Variants in NKAIN2 observed in about 807,000 individuals in gnomAD.
The protein encoded by NKAIN2 is sodium/potassium transporting ATPase interacting 2.
A neutral mutation model predicts 32.6 loss-of-function variants in NKAIN2; 14 were observed. The observed-to-expected ratio is 0.43, with a 90% CI of 0.28 to 0.67. NKAIN2 has a LOEUF of 0.67. Among genes scored for constraint, NKAIN2 ranks in the 30% least tolerant of loss-of-function variants. The pLI is 0.17. For synonymous variants in NKAIN2, 80 were observed against 87.2 expected, an observed-to-expected ratio of 0.92 and a Z score of 0.46; for missense variants, 198 against 258.3, an observed-to-expected ratio of 0.77 and a Z score of 1.60.
intron 3 of NKAIN2, among the ~76,000 whole-genome samples, chr6:124,420,705 C>G (rs977743329): frequency 1.3e-5 from 2 of 151,962 alleles, no homozygotes; most frequent in Admixed American, 1.3e-4. Context: ...ATTTGCTTTG[C>G]GGGGTCACAT....
chr6:123,977,786 T>C (rs1582874919), intron 1 of NKAIN2, among the ~76,000 whole-genome samples: 1 of 152,176 alleles, frequency 6.6e-6, no homozygotes, highest in Admixed American at 6.5e-5. Context: ...ATCCTTTGCA[T>C]AGAATAAAAA....
intron 1 of NKAIN2, among the ~76,000 whole-genome samples, chr6:124,222,726 A>G (rs1791898476): frequency 6.6e-6 from 1 of 152,150 alleles, no homozygotes; most frequent in Non-Finnish European, 1.5e-5. Flanking sequence ...GAGGCCACAT[A>G]AGTAAGGAAT....
intron 1 of NKAIN2, among the ~76,000 whole-genome samples, chr6:123,878,849 A>G (rs1245395791): frequency 2.0e-5 from 3 of 151,582 alleles, no homozygotes; most frequent in African/African-American, 7.3e-5. Context: ...TCCCTGCACC[A>G]CTCATAGCCT....
intron 1 of NKAIN2, among the ~76,000 whole-genome samples, chr6:124,129,858 A>G (rs947008377): frequency 6.6e-6 from 1 of 152,156 alleles, no homozygotes; most frequent in African/African-American, 2.4e-5. Flanking sequence ...ACCTCAGGTA[A>G]TCTGCCTGCC....
intron 3 of NKAIN2, among the ~76,000 whole-genome samples, chr6:124,378,515 C>T (rs1276263378): frequency 1.3e-5 from 2 of 152,160 alleles, no homozygotes; most frequent in Non-Finnish European, 1.5e-5. Flanking sequence ...CCAGTTTCTC[C>T]TTATTTCAGG....
At chr6:124,458,116 G>A (rs531100880) in intron 3 of NKAIN2, among the ~76,000 whole-genome samples, 6 of 151,910 alleles carry the variant, frequency 3.9e-5, no homozygotes, top group Non-Finnish European at 8.8e-5. Context: ...TCTGTATTTA[G>A]CATAGCTTAT....
intron 1 of NKAIN2, among the ~76,000 whole-genome samples, chr6:124,209,590 C>T (rs1791068117): frequency 6.6e-6 from 1 of 151,818 alleles, no homozygotes; most frequent in African/African-American, 2.4e-5. Context: ...ACAAGGGTTA[C>T]CCTTTCTCCA....
chr6:124,741,492 C>T (rs1261046505), intron 4 of NKAIN2, among the ~76,000 whole-genome samples: 1 of 151,734 alleles, frequency 6.6e-6, no homozygotes, highest in East Asian at 1.9e-4. Context: ...GTGTGAATCA[C>T]AAATACTACA....
intron 4 of NKAIN2, among the ~76,000 whole-genome samples, chr6:124,677,391 C>T (rs1457590210): frequency 6.6e-6 from 1 of 152,152 alleles, no homozygotes; most frequent in African/African-American, 2.4e-5. Flanking sequence ...TAATTGTTTT[C>T]TCTTGGTCTT....
At chr6:124,492,966 G>T (rs897950860) in intron 3 of NKAIN2, among the ~76,000 whole-genome samples, 2 of 151,888 alleles carry the variant, frequency 1.3e-5, no homozygotes, top group Non-Finnish European at 2.9e-5. Flanking sequence ...GCACTAGTTA[G>T]ATGAGTTCAG....
intron 1 of NKAIN2, among the ~76,000 whole-genome samples, chr6:123,882,316 T>G (rs1773491447): frequency 6.6e-6 from 1 of 152,156 alleles, no homozygotes; most frequent in African/African-American, 2.4e-5. Context: ...TTGAAAAAGA[T>G]GGCATGAGTC....
chr6:124,691,454 A>C (rs1355762915), intron 4 of NKAIN2, among the ~76,000 whole-genome samples: 2 of 152,136 alleles, frequency 1.3e-5, no homozygotes, highest in African/African-American at 4.8e-5. Context: ...CAAATTCTTC[A>C]TAATTGATTT....
intron 1 of NKAIN2, among the ~76,000 whole-genome samples, chr6:123,910,460 A>C (rs1296970657): frequency 6.6e-6 from 1 of 150,654 alleles, no homozygotes; most frequent in African/African-American, 2.5e-5. Flanking sequence ...TTTGTTTCAT[A>C]AACTAACATT....
At chr6:124,062,672 C>A (rs1433387057) in intron 1 of NKAIN2, among the ~76,000 whole-genome samples, 1 of 152,156 alleles carries the variant, frequency 6.6e-6, no homozygotes, top group Non-Finnish European at 1.5e-5. Flanking sequence ...GCCTCAGCCT[C>A]TCAAAGTGTT....
chr6:124,593,981 C>T (rs746944035), intron 3 of NKAIN2, among the ~76,000 whole-genome samples: 28 of 152,196 alleles, frequency 1.8e-4, no homozygotes, highest in Non-Finnish European at 3.2e-4. Flanking sequence ...TTTAAAGTCC[C>T]GTAAACCATT....
chr6:124,748,463 C>G (rs912648192), intron 4 of NKAIN2, among the ~76,000 whole-genome samples: 17 of 151,952 alleles, frequency 1.1e-4, no homozygotes, highest in African/African-American at 3.9e-4. Context: ...TCCAAGGGTA[C>G]AGATGCTTTT....
At chr6:124,809,104 C>A (rs371473248) in intron 5 of NKAIN2, among the ~76,000 whole-genome samples, 85 of 152,220 alleles carry the variant, frequency 5.6e-4, no homozygotes, top group East Asian at 1.4e-3. Context: ...GCTACCAATG[C>A]CTTTCTTCAC....
chr6:124,393,687 A>G (rs1773239660), intron 3 of NKAIN2, among the ~76,000 whole-genome samples: 1 of 152,124 alleles, frequency 6.6e-6, no homozygotes, highest in African/African-American at 2.4e-5. Context: ...CTGACTCCAG[A>G]CACCCTATAC....
intron 1 of NKAIN2, among the ~76,000 whole-genome samples, chr6:124,247,230 G>C (rs1793454919): frequency 6.6e-6 from 1 of 152,034 alleles, no homozygotes; most frequent in Non-Finnish European, 1.5e-5. Context: ...AAAATGTTTA[G>C]TGATTGTGCC....
Sources: allele counts gnomAD v4.1 joint callset (sites outside exome capture counted in the v4.1 genomes callset), GRCh38; gene constraint gnomAD v4.1.1; transcripts MANE v1.5; gene names NCBI Gene and HGNC (gene_info 2026-07-23, HGNC 2026-07-21).